The following SLC35D4 variants were observed in gnomAD, a reference collection of about 807,000 sequenced individuals.
The protein encoded by SLC35D4 is UDP-N-acetylglucosamine transporter SLC35D4.
chr18:23,403,331 C>T, the SLC35D4 span, among the ~76,000 whole-genome samples: 1 of 152,066 alleles, frequency 6.6e-6, no homozygotes, highest in Non-Finnish European at 1.5e-5. Flanking sequence ...GACTAAAGGA[C>T]CATGCTATAC....
the SLC35D4 span, among the ~76,000 whole-genome samples, chr18:23,426,923 T>C: frequency 2.6e-5 from 4 of 152,160 alleles, no homozygotes; most frequent in Non-Finnish European, 4.4e-5. Flanking sequence ...GGGGAAAGGA[T>C]TCCCTATTTA....
At chr18:23,307,297 A>C in the SLC35D4 span, among the ~76,000 whole-genome samples, 13 of 152,344 alleles carry the variant, frequency 8.5e-5, no homozygotes, top group South Asian at 2.1e-3. Context: ...CCCCAAATTA[A>C]AGCATGCCTA....
At chr18:23,292,518 T>C in the SLC35D4 span, among the ~76,000 whole-genome samples, 1 of 152,154 alleles carries the variant, frequency 6.6e-6, no homozygotes, top group African/African-American at 2.4e-5. Flanking sequence ...GGAAGGAGCA[T>C]GGCCTTCAGG....
chr18:23,258,972 C>T, the SLC35D4 span: 1 of 139,394 alleles, frequency 7.2e-6, no homozygotes, highest in Non-Finnish European at 1.5e-5. Context: ...TGGCCAGAAT[C>T]AGTTGTAAGA....
chr18:23,338,503 T>C, the SLC35D4 span, among the ~76,000 whole-genome samples: 9 of 152,292 alleles, frequency 5.9e-5, no homozygotes, highest in East Asian at 1.7e-3. Flanking sequence ...TATTATTGCA[T>C]TGTTTACAGA....
At chr18:23,259,965 G>C in the SLC35D4 span, 2,112 of 143,590 alleles carry the variant, frequency 0.015, 19 homozygotes, top group African/African-American at 0.025. Flanking sequence ...AATACTAGCC[G>C]GTTCTGCCTG....
the SLC35D4 span, chr18:23,399,659 G>A: frequency 6.2e-7 from 1 of 1,612,894 alleles, no homozygotes; most frequent in Non-Finnish European, 8.5e-7. Flanking sequence ...TGAAAAGAGG[G>A]GAAAAAAGCA....
At chr18:23,353,733 G>A in the SLC35D4 span, among the ~76,000 whole-genome samples, 5 of 152,184 alleles carry the variant, frequency 3.3e-5, no homozygotes, top group Admixed American at 6.5e-5. Context: ...AAGAGGGCCC[G>A]TGGGTAAGCA....
At chr18:23,363,621 G>A in the SLC35D4 span, among the ~76,000 whole-genome samples, 22 of 152,026 alleles carry the variant, frequency 1.4e-4, no homozygotes, top group Middle Eastern at 3.4e-3. Flanking sequence ...TGATCCACCC[G>A]CCTCAGCCTC....
chr18:23,246,099 A>C, the SLC35D4 span, among the ~76,000 whole-genome samples: 1 of 152,088 alleles, frequency 6.6e-6, no homozygotes, highest in Non-Finnish European at 1.5e-5. Flanking sequence ...CCCTGTCTCT[A>C]CTAAAAATGC....
chr18:23,255,735 A>AT, the SLC35D4 span, among the ~76,000 whole-genome samples: 1 of 151,322 alleles, frequency 6.6e-6, no homozygotes, highest in Non-Finnish European at 1.5e-5. Flanking sequence ...AATTTTTTTT[A>AT]TTTTTTATAG....
chr18:23,322,666 A>T, the SLC35D4 span, among the ~76,000 whole-genome samples: 1 of 152,150 alleles, frequency 6.6e-6, no homozygotes, highest in South Asian at 2.1e-4. Context: ...GCTTGTTCTA[A>T]AATACTTGAT....
chr18:23,246,247 C>T, the SLC35D4 span, among the ~76,000 whole-genome samples: 10 of 147,574 alleles, frequency 6.8e-5, no homozygotes, highest in African/African-American at 2.5e-4. Context: ...GCCTAGGTGA[C>T]AGAGTGAGAC....
At chr18:23,413,433 C>A in the SLC35D4 span, among the ~76,000 whole-genome samples, 1 of 152,182 alleles carries the variant, frequency 6.6e-6, no homozygotes, top group South Asian at 2.1e-4. Context: ...CCTTCCCCAC[C>A]AGGTGGTCAG....
chr18:23,274,143 C>G, the SLC35D4 span, among the ~76,000 whole-genome samples: 1 of 152,182 alleles, frequency 6.6e-6, no homozygotes, highest in African/African-American at 2.4e-5. Flanking sequence ...ACTCTGTTAT[C>G]TATTCTGGTC....
At chr18:23,295,860 T>G in the SLC35D4 span, among the ~76,000 whole-genome samples, 1 of 152,156 alleles carries the variant, frequency 6.6e-6, no homozygotes, top group African/African-American at 2.4e-5. Context: ...GGCTCCCTGC[T>G]TGCGGAGGAC....
At chr18:23,328,941 A>T in the SLC35D4 span, among the ~76,000 whole-genome samples, 1 of 152,236 alleles carries the variant, frequency 6.6e-6, no homozygotes, top group South Asian at 2.1e-4. Flanking sequence ...ACCTGTCAAA[A>T]ACAAGAAACA....
the SLC35D4 span, among the ~76,000 whole-genome samples, chr18:23,417,706 A>G: frequency 1.3e-5 from 2 of 152,224 alleles, no homozygotes; most frequent in African/African-American, 4.8e-5. Flanking sequence ...TTAATAACAC[A>G]ATAAACAAAA....
chr18:23,264,524 G>C, the SLC35D4 span, among the ~76,000 whole-genome samples: 1 of 151,840 alleles, frequency 6.6e-6, no homozygotes, highest in Non-Finnish European at 1.5e-5. Context: ...CACTACGCCC[G>C]GCTAATTTTT....
Sources: allele counts gnomAD v4.1 joint callset (sites outside exome capture counted in the v4.1 genomes callset), GRCh38; gene constraint gnomAD v4.1.1; transcripts MANE v1.5; gene names NCBI Gene and HGNC (gene_info 2026-07-23, HGNC 2026-07-21).